The following NAV2 variants were observed in gnomAD, a reference collection of about 807,000 sequenced individuals.
NAV2 encodes helicase, APC down-regulated 1.
Under a neutral mutation model 223.2 loss-of-function variants are expected in NAV2, and 54 were observed. The observed-to-expected ratio is 0.24, with a 90% CI of 0.19 to 0.30. The LOEUF (loss-of-function observed/expected upper bound fraction) is 0.30, where lower values mean the gene tolerates loss of function less well. Ranked by LOEUF, NAV2 falls within the 10% of genes least tolerant of loss-of-function variation. NAV2 has a pLI of 1.00. For missense variants in NAV2, 2,806 were observed against 3,147.5 expected (o/e 0.89, Z 2.60); for synonymous variants, 1,279 against 1,239.3 (o/e 1.03, Z -0.67).
intron 1 of NAV2, among the ~76,000 whole-genome samples, chr11:19,645,377 A>T (rs917826290): frequency 1.3e-5 from 2 of 152,198 alleles, no homozygotes; most frequent in Non-Finnish European, 2.9e-5. Flanking sequence ...CTATCTCAGT[A>T]TCCTTAAATT....
chr11:19,892,251 C>T lies in NAV2; in HGVS notation c.771-183C>T, dbSNP rs147533892. On this transcript the variant is annotated intron_variant, in intron 5 of 37. Coordinates refer to ENST00000349880, the MANE Select transcript of NAV2 (RefSeq NM_145117.5). ...GGAAACTTCACATTTTGCTGTTGGACTTTGCTGGGGTCATTACTTGCCTAC... is the reference window on the plus strand; with the variant it reads ...GGAAACTTCACATTTTGCTGTTGGATTTTGCTGGGGTCATTACTTGCCTAC... 2.6e-3 allele frequency among the ~76,000 whole-genome samples: 400 copies of T among 152,320 alleles called. 2 individuals carry two copies. Among genetic ancestry groups the T allele is most frequent in the African/African-American group, 9.1e-3 (379 of 41,570 alleles).
intron 27 of NAV2, 81 bp downstream of exon 27, chr11:20,091,099 G>C (rs2060813200): frequency 6.7e-7 from 1 of 1,491,432 alleles, no homozygotes. Flanking sequence ...AAGCCCTGAG[G>C]GCTGCATCAG....
At position 20,046,132 on chromosome 11, in the gene NAV2, G is replaced by A. The variant is rs574856720; in HGVS notation, c.3902+462G>A. ...GGGCAGATCACGAGGTCAGGAGTTC[G>A]AGACCAGCCTGGCCAATATGGTGAA... On this transcript the variant is annotated intron_variant, in intron 14 of 37. Transcript: ENST00000349880. Among the ~76,000 whole-genome samples the A allele has an allele frequency of 7.1e-4, 108 of 152,156 alleles. 1 individual carries two copies. In the South Asian group the frequency reaches 0.018, roughly 25 times the overall value.
chr11:20,114,411 G>T (rs2062880489), intron 36 of NAV2, 181 bp from the exon 37 acceptor site: 1 of 624,856 alleles, frequency 1.6e-6, no homozygotes, highest in Non-Finnish European at 2.8e-6. Flanking sequence ...GCTGCCTTCA[G>T]CCTTAGCACC....
chr11:19,680,740 A>T (rs1260506221), intron 1 of NAV2, among the ~76,000 whole-genome samples: 1 of 152,238 alleles, frequency 6.6e-6, no homozygotes. Context: ...GCTAAAATTT[A>T]TAAAGGAACT....
chr11:20,104,741 T>C (rs1305375118), intron 34 of NAV2: 1 of 152,092 alleles, frequency 6.6e-6, no homozygotes, highest in Admixed American at 6.6e-5. Context: ...CATTCTAGAG[T>C]ACACATCTGA....
intron 1 of NAV2, among the ~76,000 whole-genome samples, chr11:19,388,218 C>T (rs550454886): frequency 2.0e-5 from 3 of 152,288 alleles, no homozygotes; most frequent in African/African-American, 7.2e-5. Context: ...TTTGTGAAAC[C>T]GTGGATTATA....
intron 4 of NAV2, among the ~76,000 whole-genome samples, chr11:19,870,184 C>G (rs887887782): frequency 6.6e-6 from 1 of 152,166 alleles, no homozygotes; most frequent in African/African-American, 2.4e-5. Flanking sequence ...ATTCCCCAGC[C>G]CTGGGGTACG....
chr11:19,588,898 T>G (rs1380374031), intron 1 of NAV2, among the ~76,000 whole-genome samples: 1 of 152,208 alleles, frequency 6.6e-6, no homozygotes, highest in Non-Finnish European at 1.5e-5. Flanking sequence ...CATGTTTCTT[T>G]CTGCATATCA....
intron 1 of NAV2, among the ~76,000 whole-genome samples, chr11:19,473,554 T>C (rs1231992777): frequency 6.6e-6 from 1 of 152,176 alleles, no homozygotes; most frequent in Admixed American, 6.5e-5. Flanking sequence ...ACCCCTTCCC[T>C]TTAAGGTACA....
intron 4 of NAV2, among the ~76,000 whole-genome samples, chr11:19,870,706 A>G (rs1454534869): frequency 6.6e-6 from 1 of 152,204 alleles, no homozygotes; most frequent in Non-Finnish European, 1.5e-5. Flanking sequence ...AGTTCTCACA[A>G]CTAAAGTTGG....
chr11:19,959,043 T>C (rs924357619), intron 10 of NAV2, among the ~76,000 whole-genome samples: 1 of 152,158 alleles, frequency 6.6e-6, no homozygotes, highest in Non-Finnish European at 1.5e-5. Flanking sequence ...ACAGAGAAGA[T>C]AAGGATGGCT....
chr11:19,883,167 C>A (rs973130808), intron 5 of NAV2, among the ~76,000 whole-genome samples: 3 of 152,164 alleles, frequency 2.0e-5, no homozygotes, highest in East Asian at 3.9e-4. Context: ...TATTTTGAAG[C>A]TATCTAGGTT....
chr11:20,097,851 T>C, intron 31 of NAV2, 106 bp downstream of exon 31: 1 of 1,026,662 alleles, frequency 9.7e-7, no homozygotes, highest in Non-Finnish European at 1.4e-6. Context: ...CATGTATTTG[T>C]GGGCTGCTTG....
chr11:19,408,071 T>G (rs1046848412), intron 1 of NAV2, among the ~76,000 whole-genome samples: 3 of 152,172 alleles, frequency 2.0e-5, no homozygotes, highest in African/African-American at 7.2e-5. Context: ...AGTTCCCATC[T>G]GCCCCAATGC....
intron 1 of NAV2, among the ~76,000 whole-genome samples, chr11:19,360,499 G>C (rs1853871770): frequency 6.6e-6 from 1 of 152,292 alleles, no homozygotes; most frequent in Non-Finnish European, 1.5e-5. Flanking sequence ...CTCTCCGACT[G>C]TTTTAACAAG....
chr11:19,860,837 C>T (rs1285299540), intron 3 of NAV2, among the ~76,000 whole-genome samples: 1 of 151,950 alleles, frequency 6.6e-6, no homozygotes, highest in Non-Finnish European at 1.5e-5. Flanking sequence ...GAGACCAGCC[C>T]GGCCAACACA....
intron 11 of NAV2, among the ~76,000 whole-genome samples, chr11:20,002,839 G>T (rs1174925600): frequency 2.6e-5 from 4 of 152,148 alleles, no homozygotes; most frequent in African/African-American, 7.2e-5. Flanking sequence ...TGTGTTCTTG[G>T]AGAGAAGCCT....
At chr11:19,847,176 C>T (rs558494302) in intron 3 of NAV2, among the ~76,000 whole-genome samples, 4 of 152,320 alleles carry the variant, frequency 2.6e-5, no homozygotes, top group East Asian at 1.9e-4. Context: ...GCTGGGGCGG[C>T]CCTGCTTCCC....
Sources: gnomAD v4.1 joint callset for allele counts (sites outside exome capture counted in the v4.1 genomes callset) on GRCh38, gnomAD v4.1.1 for gene constraint, MANE v1.5 for transcripts, NCBI Gene and HGNC (gene_info 2026-07-23, HGNC 2026-07-21) for gene names.